The following PPP2R5C variants were observed in gnomAD, a reference collection of about 807,000 sequenced individuals.
PPP2R5C encodes serine/threonine-protein phosphatase 2A 56 kDa regulatory subunit gamma isoform.
PPP2R5C carries 7 observed loss-of-function variants against 68.9 expected under a neutral mutation model. The ratio of observed to expected loss-of-function variants is 0.10; its 90% CI spans 0.06 to 0.19. The LOEUF (loss-of-function observed/expected upper bound fraction) is 0.19, where lower values mean the gene tolerates loss of function less well. Among genes scored for constraint, PPP2R5C ranks in the 10% least tolerant of loss-of-function variants. The pLI, the probability that PPP2R5C is intolerant of heterozygous loss-of-function variation, is 1.00. For missense variants in PPP2R5C, 348 were observed against 641.3 expected (o/e 0.54, Z 4.94); for synonymous variants, 210 against 222.2 (o/e 0.95, Z 0.49).
chr14:101,907,083 T>A (rs1364615635), intron 10 of PPP2R5C, among the ~76,000 whole-genome samples: 1 of 152,252 alleles, frequency 6.6e-6, no homozygotes, highest in Non-Finnish European at 1.5e-5. Flanking sequence ...TAAATCCGTT[T>A]ACTGAGCAAT....
intron 2 of PPP2R5C, among the ~76,000 whole-genome samples, chr14:101,871,142 CT>C (rs2043383610): frequency 6.6e-6 from 1 of 152,166 alleles, no homozygotes; most frequent in African/African-American, 2.4e-5. Flanking sequence ...TTCCCTTTTA[CT>C]TTTGATCAGT....
At chr14:101,836,268 A>G (rs1458971042) in intron 1 of PPP2R5C, 3 of 702,604 alleles carry the variant, frequency 4.3e-6, no homozygotes, top group African/African-American at 1.8e-5. Context: ...GAGCAAACCC[A>G]TGGAGAACCC....
chr14:101,772,425 C>G (rs1347365427), intron 2 of PPP2R5C, among the ~76,000 whole-genome samples: 1 of 152,072 alleles, frequency 6.6e-6, no homozygotes. Flanking sequence ...TCCTCCTAGT[C>G]TTTCTTTATA....
intron 3 of PPP2R5C, chr14:101,796,757 C>T (rs1595185289): frequency 5.3e-6 from 1 of 188,850 alleles, no homozygotes; most frequent in African/African-American, 2.4e-5. Context: ...GGTTTAGTTT[C>T]CAGCTGCCAG....
chr14:101,830,112 T>G (rs1341378991), intron 1 of PPP2R5C, among the ~76,000 whole-genome samples: 1 of 152,198 alleles, frequency 6.6e-6, no homozygotes, highest in Non-Finnish European at 1.5e-5. Flanking sequence ...AGCATCTATA[T>G]TCAAGGTAGA....
intron 2 of PPP2R5C, among the ~76,000 whole-genome samples, chr14:101,869,163 T>C (rs1008173517): frequency 1.3e-5 from 2 of 152,216 alleles, no homozygotes; most frequent in Non-Finnish European, 2.9e-5. Context: ...TTTTGTCTTT[T>C]CCAGAATGGA....
chr14:101,805,612 A>G (rs1201459018), upstream of PPP2R5C, among the ~76,000 whole-genome samples: 2 of 152,250 alleles, frequency 1.3e-5, no homozygotes, highest in Non-Finnish European at 2.9e-5. Context: ...CCCCATGTTC[A>G]TGGCAACATT....
At position 101,877,049 on chromosome 14, in the gene PPP2R5C, A is replaced by G. The variant is rs1232591539; in HGVS notation, c.295-5112A>G. Among the ~76,000 whole-genome samples, 2 of 147,350 alleles carry G rather than the reference A, an allele frequency of 1.4e-5. No homozygotes were observed. The highest frequency in any genetic ancestry group is 5.1e-5 in the African/African-American group (2 of 39,074). ...CTGCAACTTCCACCTCCCAGATTCA[A>G]GTGATTCTCCTGCCTCAGCCTCCCG... On this transcript the variant is annotated intron_variant, in intron 2 of 13. Transcript: ENST00000334743. The surrounding 1 kb of genome is among the most constrained non-coding windows in gnomAD (Gnocchi z 4.2).
At chr14:101,842,707 A>T (rs1209957304) in intron 1 of PPP2R5C, among the ~76,000 whole-genome samples, 1 of 150,916 alleles carries the variant, frequency 6.6e-6, no homozygotes, top group Non-Finnish European at 1.5e-5. Context: ...TGGCATGGGT[A>T]GACCAGCCTT....
intron 2 of PPP2R5C, among the ~76,000 whole-genome samples, chr14:101,776,045 C>A (rs1377201461): frequency 6.7e-6 from 1 of 150,360 alleles, no homozygotes; most frequent in Non-Finnish European, 1.5e-5. Flanking sequence ...TCCACCCCCG[C>A]CTTCCTCCTA....
At chr14:101,832,060 G>A (rs1045738075) in intron 1 of PPP2R5C, among the ~76,000 whole-genome samples, 1 of 152,242 alleles carries the variant, frequency 6.6e-6, no homozygotes, top group African/African-American at 2.4e-5. Flanking sequence ...CAAAGGCTGA[G>A]AGCAAGTGGT....
chr14:101,781,810 C>T lies in PPP2R5C; in HGVS notation c.94-4208C>T, dbSNP rs1029991117. On this transcript the variant is annotated intron_variant, in intron 2 of 14. Coordinates refer to the PPP2R5C transcript ENST00000328724. The surrounding 1 kb of genome is among the most constrained non-coding windows in gnomAD (Gnocchi z 6.4). ...TGGCCGCCCGCGAACCGCGCTCTCC[C>T]GTTTCCTTTCCGTCCCGTCTCGGGG... Among the ~76,000 whole-genome samples, 1 of 151,838 alleles carries T rather than the reference C, an allele frequency of 6.6e-6. No individual in the cohort carries two copies.
intron 9 of PPP2R5C, among the ~76,000 whole-genome samples, chr14:101,903,801 G>A (rs552839280): frequency 6.0e-5 from 9 of 151,030 alleles, no homozygotes; most frequent in Admixed American, 1.3e-4. Context: ...TCGGCCTCCC[G>A]AGTAGATGGG....
intron 3 of PPP2R5C, among the ~76,000 whole-genome samples, chr14:101,791,376 T>G (rs1411494572): frequency 3.3e-5 from 5 of 152,228 alleles, no homozygotes; most frequent in African/African-American, 4.8e-5. Flanking sequence ...GTTGGTTGTC[T>G]TCTTCTTGTT....
chr14:101,887,454 T>C (rs2720202), intron 5 of PPP2R5C, among the ~76,000 whole-genome samples: 21,497 of 152,230 alleles, frequency 0.14, 1,815 homozygotes, highest in African/African-American at 0.23. Context: ...CAGTGGCTTC[T>C]GTCAGCATGG....
chr14:101,866,786 T>TA (rs1566921790), intron 2 of PPP2R5C, among the ~76,000 whole-genome samples: 1 of 152,206 alleles, frequency 6.6e-6, no homozygotes, highest in African/African-American at 2.4e-5. Context: ...TTGTAATTTT[T>TA]AAAAAAATTC....
intron 8 of PPP2R5C, among the ~76,000 whole-genome samples, chr14:101,898,376 C>CT (rs2045487515): frequency 6.6e-6 from 1 of 152,224 alleles, no homozygotes; most frequent in Non-Finnish European, 1.5e-5. Context: ...CATCCACTGT[C>CT]TGTCAGCCTG....
At chr14:101,848,707 C>G (rs1326745379) in intron 1 of PPP2R5C, among the ~76,000 whole-genome samples, 1 of 152,070 alleles carries the variant, frequency 6.6e-6, no homozygotes, top group African/African-American at 2.4e-5. Flanking sequence ...CTGGAGCAGC[C>G]CAGGGACACC....
Position 101,909,790 on chromosome 14 carries a change from G to A in PPP2R5C, c.1253+100G>A, listed in dbSNP as rs1272696880. Reference sequence around the variant, plus strand: ...TGTCCTAAAACGGTATTCTTCACTCGAAAGCAAAACCAAGCCTTTCATACT... The same window carrying A: ...TGTCCTAAAACGGTATTCTTCACTCAAAAGCAAAACCAAGCCTTTCATACT... On this transcript the variant is annotated intron_variant, in intron 11 of 13. Coordinates refer to ENST00000334743, the Ensembl canonical transcript of PPP2R5C. The A allele has an allele frequency of 1.6e-5, 13 of 791,048 alleles. No individual in the cohort carries two copies. In the East Asian group the frequency reaches 1.7e-4, roughly 10 times the overall value. 49.0% of individuals were successfully genotyped at this position (791,048 alleles called of 1,614,324 possible). A position where few individuals can be genotyped will look rare whatever the true frequency, so the allele number is the denominator to read the frequency against.
Sources: allele counts gnomAD v4.1 joint callset (sites outside exome capture counted in the v4.1 genomes callset), GRCh38; gene constraint gnomAD v4.1.1; non-coding constraint Gnocchi (gnomAD v3.1); transcripts MANE v1.5; gene names NCBI Gene and HGNC (gene_info 2026-07-23, HGNC 2026-07-21).